The following ZNF705A variants were observed in gnomAD, a reference collection of about 807,000 sequenced individuals.
ZNF705A encodes the protein zinc finger protein 705A.
A neutral mutation model predicts 16.6 loss-of-function variants in ZNF705A; 8 were observed. The ratio of observed to expected loss-of-function variants is 0.48; its 90% CI spans 0.28 to 0.87. ZNF705A has a LOEUF of 0.87. ZNF705A is among the 40% of genes least tolerant of loss of function. The probability of loss-of-function intolerance (pLI) is 0.10; values close to 1 mark genes in which losing one functional copy is unlikely to be tolerated. For missense variants in ZNF705A, 233 were observed against 359.9 expected (o/e 0.65, Z 2.85); for synonymous variants, 73 against 117.3 (o/e 0.62, Z 2.44).
intron 1 of ZNF705A, among the ~76,000 whole-genome samples, chr12:8,173,443 G>C (rs761423343): frequency 3.3e-5 from 5 of 152,266 alleles, no homozygotes; most frequent in Admixed American, 1.3e-4. Flanking sequence ...CAATGAAGAG[G>C]CTTTTTAAAT....
exon 5 of ZNF705A, chr12:8,177,937 T>C (rs1263052936): frequency 1.5e-5 from 5 of 335,226 alleles, no homozygotes; most frequent in Non-Finnish European, 2.8e-5. Context: ...AAAGACTTGT[T>C]AGTGATCTGA....
At chr12:8,162,089 G>A (rs1480022990) in intron 1 of ZNF705A, among the ~76,000 whole-genome samples, 11 of 152,102 alleles carry the variant, frequency 7.2e-5, no homozygotes, top group South Asian at 2.1e-4. Flanking sequence ...CTTCTTAACA[G>A]GAAATTCAAA....
chr12:8,170,322 T>C (rs1227414790), upstream of ZNF705A, among the ~76,000 whole-genome samples: 1 of 152,184 alleles, frequency 6.6e-6, no homozygotes, highest in East Asian at 1.9e-4. Flanking sequence ...TACATTTTTT[T>C]CCATGAATTA....
At chr12:8,162,192 A>T (rs1948361669) in intron 1 of ZNF705A, among the ~76,000 whole-genome samples, 1 of 152,140 alleles carries the variant, frequency 6.6e-6, no homozygotes, top group Admixed American at 6.5e-5. Flanking sequence ...CTTTTTGTAG[A>T]TGGTTGTTCT....
upstream of ZNF705A, among the ~76,000 whole-genome samples, chr12:8,168,442 G>T (rs945700204): frequency 6.6e-6 from 1 of 152,122 alleles, no homozygotes; most frequent in African/African-American, 2.4e-5. Flanking sequence ...TGTGTGAATT[G>T]TTACTTGACA....
At chr12:8,167,985 C>T (rs1450684182), upstream of ZNF705A, among the ~76,000 whole-genome samples, 11 of 152,192 alleles carry the variant, frequency 7.2e-5, no homozygotes, top group Admixed American at 2.0e-4. Context: ...CATGATTCTT[C>T]CTTTAGGGAG....
exon 5 of ZNF705A, chr12:8,177,178 T>C (rs1565416970): frequency 1.9e-6 from 3 of 1,611,996 alleles, no homozygotes; most frequent in Non-Finnish European, 2.5e-6. Context: ...AACAAATTCA[T>C]ACTAAAGGTA....
chr12:8,158,383 A>C (rs1948326431), intron 1 of ZNF705A, among the ~76,000 whole-genome samples: 1 of 152,160 alleles, frequency 6.6e-6, no homozygotes, highest in Non-Finnish European at 1.5e-5. Context: ...AAACAAAACT[A>C]TACAGTATGT....
intron 1 of ZNF705A, among the ~76,000 whole-genome samples, chr12:8,166,177 T>C (rs1948397637): frequency 6.6e-6 from 1 of 152,190 alleles, no homozygotes; most frequent in Admixed American, 6.5e-5. Flanking sequence ...TGCCCCAGTG[T>C]GGACTCTGTG....
In ZNF705A at chr12:8,175,959, T is replaced by TG; in HGVS notation, c.318+18dup. On this transcript the variant is annotated intron_variant, in intron 4 of 4. Coordinates refer to ENST00000359286, the Ensembl canonical transcript of ZNF705A. The stretch of plus-strand genomic sequence containing the variant: ...ATGACAATGGTAAGTTTTATAGCTG[T>TG]GTACACCAGTCATCTAAGTTAAAGA... 6.2e-7 allele frequency: 1 copy of TG among 1,610,392 alleles called. No homozygotes were observed. The highest frequency in any genetic ancestry group is 8.5e-7 in the Non-Finnish European group (1 of 1,179,156).
intron 1 of ZNF705A, among the ~76,000 whole-genome samples, chr12:8,162,845 T>G (rs1948367708): frequency 6.6e-6 from 1 of 152,172 alleles, no homozygotes; most frequent in Non-Finnish European, 1.5e-5. Context: ...TGCTAAGAAT[T>G]AATCACCCCA....
chr12:8,173,704 A>C (rs1410918801), intron 1 of ZNF705A, among the ~76,000 whole-genome samples: 2 of 152,232 alleles, frequency 1.3e-5, no homozygotes. Flanking sequence ...ATTCTGCATA[A>C]AGCTTTTTCA....
chr12:8,166,570 C>A (rs1408598953), intron 1 of ZNF705A, among the ~76,000 whole-genome samples: 1 of 152,244 alleles, frequency 6.6e-6, no homozygotes, highest in Admixed American at 6.5e-5. Flanking sequence ...TGCCTCCCCC[C>A]AACCATGTGG....
At chr12:8,172,506 A>G (rs1948453296), upstream of ZNF705A, 14 of 1,401,188 alleles carry the variant, frequency 1.0e-5, no homozygotes, top group South Asian at 1.4e-4. Context: ...GGTTGATCTG[A>G]AAATTGTGCA....
chr12:8,177,176 C>T (rs140239317), exon 5 of ZNF705A: 228 of 1,611,864 alleles, frequency 1.4e-4, no homozygotes, highest in Middle Eastern at 2.2e-4. Flanking sequence ...TAAACAAATT[C>T]ATACTAAAGG....
chr12:8,175,993 T>C (rs1366312777), intron 4 of ZNF705A, 51 bp downstream of exon 5: 7 of 1,605,300 alleles, frequency 4.4e-6, no homozygotes, highest in African/African-American at 1.3e-5. Flanking sequence ...GACATGGTAA[T>C]GGGTTAAGTT....
chr12:8,172,373 C>A (rs1444512742), upstream of ZNF705A, among the ~76,000 whole-genome samples: 3 of 151,850 alleles, frequency 2.0e-5, no homozygotes, highest in African/African-American at 4.8e-5. Context: ...TATTAGCAAC[C>A]ATAGTCATAG....
chr12:8,176,496 A>T lies in ZNF705A; in HGVS notation c.319-503A>T, dbSNP rs1457036591. 2.6e-5 allele frequency among the ~76,000 whole-genome samples: 4 copies of T among 152,322 alleles called. No homozygotes were observed. In the East Asian group the frequency reaches 7.7e-4, roughly 29 times the overall value. The stretch of plus-strand genomic sequence containing the variant: ...TTCATGCATTTTTCTGGCTCAGTGA[A>T]TCTGGATTTTTTCACATAAGATGAC... On this transcript the variant is annotated intron_variant, in intron 4 of 4. Coordinates refer to ENST00000359286, the Ensembl canonical transcript of ZNF705A.
chr12:8,165,435 A>T (rs933508894), intron 1 of ZNF705A, among the ~76,000 whole-genome samples: 8 of 136,088 alleles, frequency 5.9e-5, no homozygotes, highest in African/African-American at 2.2e-4. Context: ...GGCACCTGCC[A>T]CCACGCCCAG....
Sources: gnomAD v4.1 joint callset for allele counts (sites outside exome capture counted in the v4.1 genomes callset) on GRCh38, gnomAD v4.1.1 for gene constraint, MANE v1.5 for transcripts, NCBI Gene and HGNC (gene_info 2026-07-23, HGNC 2026-07-21) for gene names.